The following GRID2 variants were observed in gnomAD, a reference collection of about 807,000 sequenced individuals.
GRID2 encodes the protein glutamate receptor ionotropic, delta-2.
In GRID2, 33 loss-of-function variants were observed where a neutral mutation model predicts 114.8. The observed-to-expected ratio is 0.29, with a 90% CI of 0.22 to 0.38. GRID2 has a LOEUF of 0.38. Ranked by LOEUF, GRID2 falls within the 10% of genes least tolerant of loss-of-function variation. GRID2 has a pLI of 1.00. For missense variants in GRID2, 1,184 were observed against 1,257.7 expected (o/e 0.94, Z 0.89); for synonymous variants, 505 against 449.9 (o/e 1.12, Z -1.55).
chr4:93,335,340 C>A (rs1370071662), intron 8 of GRID2, among the ~76,000 whole-genome samples: 1 of 152,150 alleles, frequency 6.6e-6, no homozygotes, highest in Non-Finnish European at 1.5e-5. Flanking sequence ...GTTCTTTATA[C>A]TTCCGGTGTG....
At chr4:93,472,299 G>A (rs1056695032) in intron 11 of GRID2, among the ~76,000 whole-genome samples, 1 of 151,754 alleles carries the variant, frequency 6.6e-6, no homozygotes, top group African/African-American at 2.4e-5. Context: ...CTCTAACCTG[G>A]GCAACAAGAG....
rs113133061 is a variant in GRID2, at chr4:92,514,351, A to G, written c.89-75780A>G. ...ATAAACTTGAGATATATGAAAGTTT[A>G]TTGAATTTATTATTGATAGTGTGAA... is the stretch of plus-strand genomic sequence containing the variant. On this transcript the variant is annotated intron_variant, in intron 1 of 15. Coordinates refer to ENST00000282020, the MANE Select transcript of GRID2 (RefSeq NM_001510.4). Among the ~76,000 whole-genome samples the G allele has an allele frequency of 7.9e-3, 1,204 of 151,994 alleles. 16 individuals carry two copies. Among genetic ancestry groups the G allele is most frequent in the African/African-American group, 0.028 (1,156 of 41,516 alleles).
At chr4:92,533,203 T>TGG (rs1725436506) in intron 1 of GRID2, among the ~76,000 whole-genome samples, 5 of 144,438 alleles carry the variant, frequency 3.5e-5, no homozygotes, top group Non-Finnish European at 6.2e-5. Flanking sequence ...TTTTTTTTGT[T>TGG]TTTTTTTTGA....
rs74956812 is a variant in GRID2, at chr4:93,208,894, G to A, written c.789+1437G>A. Among the ~76,000 whole-genome samples, 730 of 151,992 alleles carry A rather than the reference G, an allele frequency of 4.8e-3. 4 individuals carry two copies. Among genetic ancestry groups the A allele is most frequent in the African/African-American group, 0.014 (561 of 41,536 alleles). On this transcript the variant is annotated intron_variant, in intron 5 of 15. Coordinates refer to ENST00000282020, the MANE Select transcript of GRID2 (RefSeq NM_001510.4). ...TAATTTTCATGTGGAATAACTAAACGTTGGGATAGAGGGAAAGACAAAGGA... is the reference window on the plus strand; with the variant it reads ...TAATTTTCATGTGGAATAACTAAACATTGGGATAGAGGGAAAGACAAAGGA...
intron 6 of GRID2, among the ~76,000 whole-genome samples, chr4:93,217,675 G>A (rs373029194): frequency 2.0e-5 from 3 of 151,340 alleles, no homozygotes; most frequent in South Asian, 4.2e-4. Context: ...AGCAAGAGAC[G>A]GGAAAAAAAT....
chr4:93,481,147 A>G (rs1725824251), intron 11 of GRID2, among the ~76,000 whole-genome samples: 1 of 151,988 alleles, frequency 6.6e-6, no homozygotes, highest in Admixed American at 6.6e-5. Context: ...CTTTGACTCA[A>G]TTATTTTGGG....
intron 11 of GRID2, among the ~76,000 whole-genome samples, chr4:93,465,754 A>C (rs1383085888): frequency 6.6e-6 from 1 of 152,242 alleles, no homozygotes; most frequent in Non-Finnish European, 1.5e-5. Context: ...AGCATAGTGT[A>C]ATCAAGCATA....
intron 8 of GRID2, among the ~76,000 whole-genome samples, chr4:93,285,793 A>G (rs916401056): frequency 1.3e-5 from 2 of 152,050 alleles, no homozygotes; most frequent in African/African-American, 4.8e-5. Context: ...AATTGATGGT[A>G]ATAGTATAAT....
chr4:92,921,250 T>G (rs1435400890), intron 2 of GRID2, among the ~76,000 whole-genome samples: 1 of 152,018 alleles, frequency 6.6e-6, no homozygotes, highest in African/African-American at 2.4e-5. Context: ...AGCCATTTGT[T>G]TAAGTTTTTT....
chr4:93,297,688 A>G (rs999457700), intron 8 of GRID2, among the ~76,000 whole-genome samples: 3 of 152,214 alleles, frequency 2.0e-5, no homozygotes, highest in African/African-American at 7.2e-5. Flanking sequence ...TAAAGGGCCT[A>G]ATGTTGTGCC....
chr4:93,412,217 T>C (rs939045773), intron 9 of GRID2, among the ~76,000 whole-genome samples: 2 of 149,354 alleles, frequency 1.3e-5, no homozygotes, highest in Admixed American at 6.7e-5. Flanking sequence ...CTGGGCAGCA[T>C]AGTAAGACCC....
rs189624673 is a variant in GRID2, at chr4:93,266,227, T to C, written c.1245+27737T>C. ...TGGCCAGAAATTATTTTTTTTCTCA[T>C]CAACATTATAATAAAACAACATTGA... On this transcript the variant is annotated intron_variant, in intron 8 of 15. Coordinates refer to ENST00000282020, the MANE Select transcript of GRID2 (RefSeq NM_001510.4). Among the ~76,000 whole-genome samples, 178 of 152,264 alleles carry C rather than the reference T, an allele frequency of 1.2e-3. 3 individuals are homozygous for C. Among genetic ancestry groups the C allele is most frequent in the African/African-American group, 4.2e-3 (176 of 41,554 alleles).
chr4:92,790,538 T>C (rs1426354077), intron 2 of GRID2, among the ~76,000 whole-genome samples: 3 of 151,658 alleles, frequency 2.0e-5, no homozygotes, highest in Non-Finnish European at 4.4e-5. Context: ...ACCTCACCTG[T>C]CCAAGTAGTT....
intron 11 of GRID2, among the ~76,000 whole-genome samples, chr4:93,462,949 C>T (rs866032805): frequency 6.6e-6 from 1 of 152,064 alleles, no homozygotes; most frequent in African/African-American, 2.4e-5. Flanking sequence ...CAGGTTAACT[C>T]GACTACAAAG....
chr4:92,700,206 G>C (rs1412510619), intron 2 of GRID2, among the ~76,000 whole-genome samples: 1 of 151,982 alleles, frequency 6.6e-6, no homozygotes, highest in African/African-American at 2.4e-5. Flanking sequence ...GAAATATTCT[G>C]GTCTGTTATT....
At chr4:92,825,365 C>T (rs1020326301) in intron 2 of GRID2, among the ~76,000 whole-genome samples, 1 of 152,162 alleles carries the variant, frequency 6.6e-6, no homozygotes, top group Non-Finnish European at 1.5e-5. Flanking sequence ...TACCAAGTTA[C>T]ATGAACATAA....
intron 11 of GRID2, among the ~76,000 whole-genome samples, chr4:93,476,897 TAAAC>T (rs1005569901): frequency 4.6e-5 from 7 of 152,036 alleles, no homozygotes; most frequent in Non-Finnish European, 1.0e-4. Context: ...GAAAAAGAAA[TAAAC>T]AAATACATTT....
chr4:93,269,612 C>G (rs905319303), intron 8 of GRID2, among the ~76,000 whole-genome samples: 6 of 152,206 alleles, frequency 3.9e-5, no homozygotes, highest in Non-Finnish European at 7.3e-5. Context: ...TGGAGACATT[C>G]AGTGTGGCTT....
intron 1 of GRID2, among the ~76,000 whole-genome samples, chr4:92,446,936 C>T (rs558374279): frequency 2.6e-5 from 4 of 152,320 alleles, no homozygotes; most frequent in African/African-American, 9.6e-5. Context: ...TTCTGTCCAA[C>T]AGATCTGCTA....
Sources: gnomAD v4.1 joint callset for allele counts (sites outside exome capture counted in the v4.1 genomes callset) on GRCh38, gnomAD v4.1.1 for gene constraint, MANE v1.5 for transcripts, NCBI Gene and HGNC (gene_info 2026-07-23, HGNC 2026-07-21) for gene names.